The following NMBR variants were observed in gnomAD, a reference collection of about 807,000 sequenced individuals.
The protein encoded by NMBR is neuromedin-B receptor.
A neutral mutation model predicts 20.5 loss-of-function variants in NMBR; 16 were observed. That is an observed-to-expected ratio of 0.78 (90% CI 0.53 to 1.19). The LOEUF is 1.19. Ranked by LOEUF, NMBR falls within the 50% of genes most tolerant of loss-of-function variation. The pLI, the probability that NMBR is intolerant of heterozygous loss-of-function variation, is 0.00. For missense variants in NMBR, 582 were observed against 499.1 expected, an observed-to-expected ratio of 1.17 and a Z score of -1.58; for synonymous variants, 212 against 196.6, an observed-to-expected ratio of 1.08 and a Z score of -0.65.
intron 1 of NMBR, among the ~76,000 whole-genome samples, chr6:142,142,905 C>T (rs1778380347): frequency 6.6e-6 from 1 of 151,812 alleles, no homozygotes; most frequent in Non-Finnish European, 1.5e-5. Flanking sequence ...GGCAATATAG[C>T]AAGACTCCAC....
chr6:142,146,981 C>G (rs1778449353), intron 1 of NMBR, among the ~76,000 whole-genome samples, 63 bp downstream of exon 1: 1 of 152,210 alleles, frequency 6.6e-6, no homozygotes, highest in Non-Finnish European at 1.5e-5. Flanking sequence ...TTCTATCCTT[C>G]CTTTTGCCAC....
At chr6:142,102,219 T>A (rs1170880393) in intron 1 of NMBR, among the ~76,000 whole-genome samples, 1 of 151,776 alleles carries the variant, frequency 6.6e-6, no homozygotes, top group Non-Finnish European at 1.5e-5. Flanking sequence ...AATCCCCGTC[T>A]CTACTAAAAA....
chr6:142,120,887 T>G (rs937290477), intron 1 of NMBR, among the ~76,000 whole-genome samples: 10 of 151,960 alleles, frequency 6.6e-5, no homozygotes, highest in African/African-American at 2.2e-4. Flanking sequence ...GTTACAGAGT[T>G]ACCTCATTTT....
intron 1 of NMBR, among the ~76,000 whole-genome samples, chr6:142,125,510 T>TGC (rs1330890414): frequency 6.6e-6 from 1 of 150,984 alleles, no homozygotes; most frequent in Non-Finnish European, 1.5e-5. Context: ...CACATATACA[T>TGC]ACATACACAA....
intron 1 of NMBR, chr6:142,135,023 T>C (rs958192437): frequency 6.7e-6 from 3 of 445,162 alleles, no homozygotes; most frequent in Non-Finnish European, 1.2e-5. Context: ...CTTCAATGTG[T>C]CTGAAATTTT....
chr6:142,098,695 A>G (rs1777504830), intron 1 of NMBR, among the ~76,000 whole-genome samples: 1 of 152,188 alleles, frequency 6.6e-6, no homozygotes, highest in Non-Finnish European at 1.5e-5. Flanking sequence ...GATATTCCAT[A>G]TTCATGGATT....
In NMBR at chr6:142,075,842, G is replaced by T. The variant is rs141607430; in HGVS notation, c.979C>A (p.Leu327Ile). Residue 327 changes from leucine (L) to isoleucine (I), a missense_variant, in exon 4 of 4, where the codon CTC (leucine) becomes ATC (isoleucine). Coordinates refer to ENST00000258042, the MANE Select transcript of NMBR (RefSeq NM_002511.4). Reference protein sequence around the residue: ...SCVNPFALYLLSESFRRHFNS... With the variant: ...SCVNPFALYLISESFRRHFNS... ...AAATGCCTCCTGAAGCTTTCACTGA[G>T]TAGGTAAAGAGCAAATGGGTTGACA... 6.2e-7 allele frequency: 1 copy of T among 1,614,064 alleles called. No homozygotes were observed. Among genetic ancestry groups the T allele is most frequent in the South Asian group, 1.1e-5 (1 of 91,078 alleles).
chr6:142,099,799 A>G (rs1279261479), intron 1 of NMBR, among the ~76,000 whole-genome samples: 2 of 152,224 alleles, frequency 1.3e-5, no homozygotes, highest in Non-Finnish European at 2.9e-5. Context: ...TCCAACACAT[A>G]CAAGTATCAC....
At chr6:142,095,774 T>G (rs1351609028) in intron 1 of NMBR, among the ~76,000 whole-genome samples, 1 of 152,194 alleles carries the variant, frequency 6.6e-6, no homozygotes, top group Non-Finnish European at 1.5e-5. Context: ...TGTGAATCCA[T>G]CTGGTCCTGG....
At chr6:142,109,073 C>A (rs906074163) in intron 1 of NMBR, among the ~76,000 whole-genome samples, 9 of 152,222 alleles carry the variant, frequency 5.9e-5, no homozygotes, top group Non-Finnish European at 1.2e-4. Flanking sequence ...CTTCCACAGC[C>A]TTGGGCAGCT....
chr6:142,091,282 G>A (rs1279853873), intron 1 of NMBR, among the ~76,000 whole-genome samples: 1 of 152,144 alleles, frequency 6.6e-6, no homozygotes, highest in Non-Finnish European at 1.5e-5. Flanking sequence ...ATATGCAGTG[G>A]CATGAAGATG....
intron 3 of NMBR, among the ~76,000 whole-genome samples, chr6:142,076,444 G>T (rs1345252334): frequency 6.6e-6 from 1 of 151,812 alleles, no homozygotes; most frequent in Admixed American, 6.6e-5. Context: ...AAAAAATCAG[G>T]GTGTTTTAAA....
Position 142,078,876 on chromosome 6 carries a change from G to GTC in NMBR, c.448_449dup (p.Asp150GlufsTer14), listed in dbSNP as rs778321429. ...GCAGCAATGCCCCTGACGTCTGCAT[G>GTC]TCCATGGGGTTAACGATGGCTCTGT... On this transcript the variant is annotated frameshift_variant, in exon 3 of 4. Coordinates refer to ENST00000258042, the MANE Select transcript of NMBR (RefSeq NM_002511.4). LOFTEE classifies it high-confidence loss of function. The GTC allele has an allele frequency of 6.2e-7, 1 of 1,613,288 alleles. No individual in the cohort carries two copies. Among genetic ancestry groups the GTC allele is most frequent in the Admixed American group, 1.7e-5 (1 of 59,912 alleles).
intron 1 of NMBR, among the ~76,000 whole-genome samples, chr6:142,106,471 A>G (rs1259879643): frequency 6.6e-6 from 1 of 152,224 alleles, no homozygotes; most frequent in Non-Finnish European, 1.5e-5. Context: ...TTCCTGTTTT[A>G]CCAAAAACTT....
intron 1 of NMBR, among the ~76,000 whole-genome samples, chr6:142,143,994 T>C (rs1316639298): frequency 1.3e-5 from 2 of 152,196 alleles, no homozygotes; most frequent in African/African-American, 4.8e-5. Context: ...ATTATATTCG[T>C]ATATAGTTAG....
chr6:142,080,684 T>A (rs1323287818), intron 2 of NMBR, among the ~76,000 whole-genome samples: 2 of 152,182 alleles, frequency 1.3e-5, no homozygotes, highest in Admixed American at 6.5e-5. Context: ...GGTCTCTTTG[T>A]GCTGTAATCT....
chr6:142,110,916 CA>C (rs1171070833), intron 1 of NMBR, among the ~76,000 whole-genome samples: 2 of 152,008 alleles, frequency 1.3e-5, no homozygotes, highest in African/African-American at 2.4e-5. Flanking sequence ...TAGCTTTGAT[CA>C]AAATAAAATC....
intron 1 of NMBR, among the ~76,000 whole-genome samples, chr6:142,126,304 A>G (rs966897661): frequency 6.6e-6 from 1 of 150,756 alleles, no homozygotes; most frequent in Non-Finnish European, 1.5e-5. Flanking sequence ...TTATACATTA[A>G]TCTGTGGATG....
intron 1 of NMBR, among the ~76,000 whole-genome samples, chr6:142,128,664 T>C (rs143693939): frequency 6.6e-6 from 1 of 152,206 alleles, no homozygotes; most frequent in Non-Finnish European, 1.5e-5. Flanking sequence ...AGTTGGTATA[T>C]CACATTTACT....
Sources: allele counts gnomAD v4.1 joint callset (sites outside exome capture counted in the v4.1 genomes callset), GRCh38; gene constraint gnomAD v4.1.1; transcripts MANE v1.5; gene names NCBI Gene and HGNC (gene_info 2026-07-23, HGNC 2026-07-21).